Variants in PGRMC2 observed in about 807,000 individuals in gnomAD.
PGRMC2 encodes membrane-associated progesterone receptor component 2.
Under a neutral mutation model 19.3 loss-of-function variants are expected in PGRMC2, and 9 were observed. The observed-to-expected ratio is 0.47, with a 90% CI of 0.28 to 0.81. The LOEUF (loss-of-function observed/expected upper bound fraction) is 0.81. PGRMC2 is among the 40% of genes least tolerant of loss of function. PGRMC2 has a pLI of 0.11. For missense variants in PGRMC2, 289 were observed against 297.3 expected (o/e 0.97, Z 0.21); for synonymous variants, 157 against 124.6 (o/e 1.26, Z -1.73).
chr4:128,285,493 ACTGTCTCT>A (rs1362537626), intron 1 of PGRMC2, among the ~76,000 whole-genome samples: 3 of 152,124 alleles, frequency 2.0e-5, no homozygotes, highest in African/African-American at 7.2e-5. Context: ...TGTTTCTATG[ACTGTCTCT>A]CTTAGCTATT....
At chr4:128,283,192 A>T (rs905535304) in intron 1 of PGRMC2, among the ~76,000 whole-genome samples, 1 of 152,258 alleles carries the variant, frequency 6.6e-6, no homozygotes, top group Non-Finnish European at 1.5e-5. Flanking sequence ...AAAACTTATG[A>T]TTCTGTAAAC....
In PGRMC2 at chr4:128,279,029, A is replaced by G. The variant is rs566426012; in HGVS notation, c.419-6512T>C. On this transcript the variant is annotated intron_variant, in intron 1 of 2. Coordinates refer to ENST00000296425, the MANE Select transcript of PGRMC2 (RefSeq NM_006320.6). The stretch of plus-strand genomic sequence containing the variant: ...TTCGAGACCAGACTGACCAACATGG[A>G]GAAACCCCGTCTCTACTAAAAATAC... Among the ~76,000 whole-genome samples the G allele has an allele frequency of 5.9e-4, 89 of 152,122 alleles. 1 individual carries two copies. Among genetic ancestry groups the G allele is most frequent in the Non-Finnish European group, 1.2e-3 (81 of 67,966 alleles).
rs41300359 is a variant in PGRMC2, at chr4:128,269,369, T to A, written c.*1947A>T. On this transcript the variant is annotated 3_prime_UTR_variant, in exon 3 of 3. Coordinates refer to ENST00000296425, the MANE Select transcript of PGRMC2 (RefSeq NM_006320.6). The stretch of plus-strand genomic sequence containing the variant: ...TTTCTCTATTCACAAGTACAGTTTA[T>A]TACTAGACTTTAGGCTTGAATGATT... 6.6e-6 allele frequency: 1 copy of A among 152,218 alleles called. No homozygotes were observed. The highest frequency in any genetic ancestry group is 6.5e-5 in the Admixed American group (1 of 15,278). The allele number at this position is 152,218 out of a possible 1,614,324, so 9.4% of individuals were successfully genotyped here. A position where few individuals can be genotyped will look rare whatever the true frequency, so the allele number is the denominator to read the frequency against.
rs772653380 is a variant in PGRMC2, at chr4:128,287,458, G to A, written c.333C>T (p.Tyr111=). The change falls in exon 1 of 3, where the codon TAC becomes TAT. Residue 111 remains tyrosine, a synonymous_variant. Transcript: ENST00000296425. Reference sequence around the variant, plus strand: ...GGATGCGCGGGTTGCGGGAGCCGTCGTACTGGCGCAGCTGCTCCAAGCTGA... The same window carrying A: ...GGATGCGCGGGTTGCGGGAGCCGTCATACTGGCGCAGCTGCTCCAAGCTGA... ...RDFSLEQLRQ[Y]DGSRNPRILL... 10 of 1,613,434 alleles carry A rather than the reference G, an allele frequency of 6.2e-6. No individual in the cohort carries two copies. Among genetic ancestry groups the A allele is most frequent in the South Asian group, 1.1e-5 (1 of 91,062 alleles).
At chr4:128,273,950 C>T (rs1032034860) in intron 1 of PGRMC2, among the ~76,000 whole-genome samples, 3 of 152,194 alleles carry the variant, frequency 2.0e-5, no homozygotes, top group Non-Finnish European at 2.9e-5. Flanking sequence ...CTAACAGTTC[C>T]AGTAAAGTAC....
chr4:128,284,682 G>A (rs1156847102), intron 1 of PGRMC2, among the ~76,000 whole-genome samples: 1 of 152,158 alleles, frequency 6.6e-6, no homozygotes, highest in African/African-American at 2.4e-5. Flanking sequence ...CCATTATTGT[G>A]AAATTAGGGT....
Position 128,286,513 on chromosome 4 carries a change from A to T in PGRMC2, c.418+860T>A, listed in dbSNP as rs190520388. ...TGGCACATGGGGGTATAAATCTACA[A>T]CTCTTCTAAGTTTTTTCTCCTTAGT... On this transcript the variant is annotated intron_variant, in intron 1 of 2. Coordinates refer to ENST00000296425, the MANE Select transcript of PGRMC2 (RefSeq NM_006320.6). Among the ~76,000 whole-genome samples, 7 of 152,040 alleles carry T rather than the reference A, an allele frequency of 4.6e-5. No homozygotes were observed. The East Asian group carries it at 1.4e-3, about 29-fold the overall frequency.
Position 128,287,410 on chromosome 4 carries a change from G to A in PGRMC2, c.381C>T (p.Val127=). Residue 127 remains valine (V), a synonymous_variant, in exon 1 of 3, where the codon GTC becomes GTT. Coordinates refer to ENST00000296425, the MANE Select transcript of PGRMC2 (RefSeq NM_006320.6). ...ACTTGCTGCCTTTGGTCACGTCGAA[G>A]ACTTTCCCATTGACCGCGAGCAGGA... is the stretch of plus-strand genomic sequence containing the variant. ...PRILLAVNGK[V]FDVTKGSKFY... 1 of 1,611,704 alleles carries A rather than the reference G, an allele frequency of 6.2e-7. No individual in the cohort carries two copies. The highest frequency in any genetic ancestry group is 1.3e-5 in the African/African-American group (1 of 74,922).
intron 1 of PGRMC2, among the ~76,000 whole-genome samples, chr4:128,280,373 AAAG>A (rs1760889955): frequency 6.6e-6 from 1 of 150,560 alleles, no homozygotes; most frequent in Non-Finnish European, 1.5e-5. Context: ...AAAAAAAAAA[AAAG>A]GACAATATAT....
chr4:128,279,077 G>A lies in PGRMC2; in HGVS notation c.419-6560C>T, dbSNP rs138170565. Among the ~76,000 whole-genome samples the A allele has an allele frequency of 7.2e-3, 1,090 of 152,036 alleles. 8 individuals carry two copies. Among genetic ancestry groups the A allele is most frequent in the Non-Finnish European group, 8.7e-3 (588 of 67,964 alleles). On this transcript the variant is annotated intron_variant, in intron 1 of 2. Transcript: ENST00000296425. ...TACAAAATTAGCTGGGTGTCGTGGC[G>A]CATGCCTGCAATCCCAGCTACTCGG...
chr4:128,273,799 T>C (rs1760767427), intron 1 of PGRMC2, among the ~76,000 whole-genome samples: 1 of 152,238 alleles, frequency 6.6e-6, no homozygotes, highest in Non-Finnish European at 1.5e-5. Flanking sequence ...TAATTTGAGT[T>C]GCTAACAGCA....
At chr4:128,275,717 T>C (rs1465390900) in intron 1 of PGRMC2, among the ~76,000 whole-genome samples, 2 of 152,192 alleles carry the variant, frequency 1.3e-5, no homozygotes, top group Non-Finnish European at 1.5e-5. Flanking sequence ...TGTAAGACCA[T>C]TAAAAAAATT....
Position 128,271,407 on chromosome 4 carries a change from T to C in PGRMC2, c.581A>G (p.Tyr194Cys). 6.4e-7 allele frequency: 1 copy of C among 1,573,548 alleles called. No homozygotes were observed. Among genetic ancestry groups the C allele is most frequent in the South Asian group, 1.1e-5 (1 of 89,720 alleles). Residue 194 changes from tyrosine (Y) to cysteine (C), a missense_variant, in exon 3 of 3, where the codon TAT becomes TGT. Tyr to Cys is a radical substitution (Grantham distance 194). Transcript: ENST00000296425. ...TTTTAGGAGTCTGCCTACATAATCA[T>C]ATTTTTCTGAAAGATACATCAAAAG... ...REWEMQFKEK[Y>C]DYVGRLLKPG...
intron 1 of PGRMC2, among the ~76,000 whole-genome samples, chr4:128,282,451 C>T (rs1048450779): frequency 6.6e-6 from 1 of 152,180 alleles, no homozygotes; most frequent in Non-Finnish European, 1.5e-5. Flanking sequence ...TCAAGCTATC[C>T]TTTTATAATA....
At chr4:128,273,261 A>G (rs1396593223) in intron 1 of PGRMC2, among the ~76,000 whole-genome samples, 2 of 152,220 alleles carry the variant, frequency 1.3e-5, no homozygotes, top group Non-Finnish European at 2.9e-5. Context: ...ATTCTTCTGG[A>G]CTGACACATT....
intron 1 of PGRMC2, among the ~76,000 whole-genome samples, chr4:128,279,161 T>C (rs1007450384): frequency 5.9e-5 from 9 of 152,060 alleles, no homozygotes; most frequent in Admixed American, 1.3e-4. Flanking sequence ...TGAGCCGAGA[T>C]TGCATCATTG....
rs111479855 is a variant in PGRMC2 at position 128,287,534 on chromosome 4, G to A, written c.257C>T (p.Ala86Val). Residue 86 changes from alanine (A) to valine (V), a missense_variant, in exon 1 of 3, where the codon GCG becomes GTG. Physicochemically the swap from Ala to Val is moderately conservative, Grantham distance 64. Coordinates refer to ENST00000296425, the MANE Select transcript of PGRMC2 (RefSeq NM_006320.6). Reference protein sequence around the residue: ...GRRGLGAGAGAGEESPATSLP... With the variant: ...GRRGLGAGAGVGEESPATSLP... ...AGAGGTGGCGGGGCTCTCCTCGCCC[G>A]CCCCGGCCCCGGCCCCCAGACCCCG... 5 of 1,545,162 alleles carry A rather than the reference G, an allele frequency of 3.2e-6. No homozygotes were observed. In the African/African-American group the frequency reaches 5.5e-5, roughly 17 times the overall value.
rs141837115 is a variant in PGRMC2 at position 128,286,621 on chromosome 4, G to A, written c.418+752C>T. 1.6e-3 allele frequency: 629 copies of A among 398,532 alleles called. 14 individuals are homozygous for A. The East Asian group carries it at 0.022, about 14-fold the overall frequency. 24.7% of individuals were successfully genotyped at this position (398,532 alleles called of 1,614,324 possible). A position where few individuals can be genotyped will look rare whatever the true frequency, so the allele number is the denominator to read the frequency against. On this transcript the variant is annotated intron_variant, in intron 1 of 2. Transcript: ENST00000296425. ...GAAAAAAGAAACCAGAGACACGCCT[G>A]CTGGGTATAGGAGCTCCACCCCCAA...
In PGRMC2 at chr4:128,269,372, C is replaced by T. The variant is rs538091048; in HGVS notation, c.*1944G>A. 8 of 152,256 alleles carry T rather than the reference C, an allele frequency of 5.3e-5. No homozygotes were observed. Among genetic ancestry groups the T allele is most frequent in the Non-Finnish European group, 8.8e-5 (6 of 68,012 alleles). 9.4% of individuals were successfully genotyped at this position (152,256 alleles called of 1,614,324 possible). A position where few individuals can be genotyped will look rare whatever the true frequency, so the allele number is the denominator to read the frequency against. Reference sequence around the variant, plus strand: ...CTCTATTCACAAGTACAGTTTATTACTAGACTTTAGGCTTGAATGATTCAT... The same window carrying T: ...CTCTATTCACAAGTACAGTTTATTATTAGACTTTAGGCTTGAATGATTCAT... On this transcript the variant is annotated 3_prime_UTR_variant, in exon 3 of 3. Coordinates refer to ENST00000296425, the MANE Select transcript of PGRMC2 (RefSeq NM_006320.6).
Sources: allele counts gnomAD v4.1 joint callset (sites outside exome capture counted in the v4.1 genomes callset), GRCh38; gene constraint gnomAD v4.1.1; transcripts MANE v1.5; gene names NCBI Gene and HGNC (gene_info 2026-07-23, HGNC 2026-07-21).